L2HGDH: variants seen among roughly 807,000 people sequenced by gnomAD.
L2HGDH encodes the protein L-2-hydroxyglutarate dehydrogenase, also known as L-2-hydroxyglutarate dehydrogenase, mitochondrial.
A neutral mutation model predicts 51.5 loss-of-function variants in L2HGDH; 34 were observed. That is an observed-to-expected ratio of 0.66 (90% CI 0.50 to 0.88). L2HGDH has a LOEUF of 0.88. L2HGDH is among the 40% of genes least tolerant of loss of function. The probability of loss-of-function intolerance (pLI) is 0.00; values close to 1 mark genes in which losing one functional copy is unlikely to be tolerated. For synonymous variants in L2HGDH, 198 were observed against 197.9 expected (o/e 1.00, Z -0.01); for missense variants, 558 against 571.9 (o/e 0.98, Z 0.25).
chr14:50,264,246 C>T (rs1444836768), intron 9 of L2HGDH, among the ~76,000 whole-genome samples: 7 of 151,864 alleles, frequency 4.6e-5, no homozygotes, highest in Non-Finnish European at 8.8e-5. Flanking sequence ...GGCGTGGTGG[C>T]ACATGCCTGT....
At chr14:50,307,765 T>C (rs2030815811) in intron 1 of L2HGDH, among the ~76,000 whole-genome samples, 1 of 152,186 alleles carries the variant, frequency 6.6e-6, no homozygotes, top group Non-Finnish European at 1.5e-5. Flanking sequence ...TCTGTAAATA[T>C]TTCAATGTTA....
intron 4 of L2HGDH, among the ~76,000 whole-genome samples, chr14:50,289,273 C>T (rs12881896): frequency 0.58 from 87,935 of 151,848 alleles, 25,489 homozygotes; most frequent in East Asian, 0.66. Context: ...CTAAAAAAGA[C>T]TGATATGCCT....
At chr14:50,275,410 G>A (rs1429366145) in intron 6 of L2HGDH, among the ~76,000 whole-genome samples, 1 of 152,156 alleles carries the variant, frequency 6.6e-6, no homozygotes, top group Non-Finnish European at 1.5e-5. Flanking sequence ...ACTGGCATAG[G>A]CACTTGCTCT....
At chr14:50,284,594 T>C (rs1391118858) in intron 4 of L2HGDH, among the ~76,000 whole-genome samples, 1 of 152,228 alleles carries the variant, frequency 6.6e-6, no homozygotes. Flanking sequence ...TTAGAATAAA[T>C]GTTGAACGTG....
At chr14:50,293,967 ATGCCCTCTTG>A (rs1173050006) in intron 4 of L2HGDH, 138 bp downstream of exon 4, 1 of 918,220 alleles carries the variant, frequency 1.1e-6, no homozygotes, top group African/African-American at 1.7e-5. Flanking sequence ...GTTTGTGACA[ATGCCCTCTTG>A]TGTCTGTCAC....
In L2HGDH at chr14:50,244,647, C is replaced by G. The variant is rs543527882; in HGVS notation, c.*2411G>C. The G allele has an allele frequency of 1.0e-6, 1 of 985,438 alleles. No individual in the cohort carries two copies. The highest frequency in any genetic ancestry group is 4.7e-5 in the South Asian group (1 of 21,288). The allele number at this position is 985,438 out of a possible 1,614,324, so 61.0% of individuals were successfully genotyped here. A position where few individuals can be genotyped will look rare whatever the true frequency, so the allele number is the denominator to read the frequency against. ...CCTAAGAGTTGAATAATGGCCTACTCTGTTTACCTGGGATGTGCTACTTCT... is the reference window on the plus strand; with the variant it reads ...CCTAAGAGTTGAATAATGGCCTACTGTGTTTACCTGGGATGTGCTACTTCT... On this transcript the variant is annotated 3_prime_UTR_variant, in exon 10 of 10. Coordinates refer to ENST00000267436, the MANE Select transcript of L2HGDH (RefSeq NM_024884.3).
chr14:50,246,384 ATT>A lies in L2HGDH; in HGVS notation c.*672_*673del, dbSNP rs1449429433. On this transcript the variant is annotated 3_prime_UTR_variant, in exon 10 of 10. Coordinates refer to ENST00000267436, the MANE Select transcript of L2HGDH (RefSeq NM_024884.3). ...AGGCACACACCATCATGCCCAGCTAATTTTTGTATTTTTTGTAGAGATGGGGT... is the reference window on the plus strand; with the variant it reads ...AGGCACACACCATCATGCCCAGCTAATTTGTATTTTTTGTAGAGATGGGGT... The A allele has an allele frequency of 7.0e-6, 1 of 143,386 alleles. No individual in the cohort carries two copies. Among genetic ancestry groups the A allele is most frequent in the South Asian group, 2.2e-4 (1 of 4,570 alleles). 8.9% of individuals were successfully genotyped at this position (143,386 alleles called of 1,614,324 possible).
At chr14:50,290,159 C>T (rs1296710653) in intron 4 of L2HGDH, among the ~76,000 whole-genome samples, 1 of 151,934 alleles carries the variant, frequency 6.6e-6, no homozygotes, top group Non-Finnish European at 1.5e-5. Flanking sequence ...CCCAGTTACT[C>T]TGGAGGCTGA....
intron 6 of L2HGDH, among the ~76,000 whole-genome samples, chr14:50,272,641 C>T (rs1027357488): frequency 6.6e-6 from 1 of 152,140 alleles, no homozygotes; most frequent in Admixed American, 6.5e-5. Context: ...ATGAGCTACC[C>T]ATTATTAACT....
intron 4 of L2HGDH, chr14:50,287,267 T>A (rs557385901): frequency 2.0e-6 from 2 of 984,788 alleles, no homozygotes; most frequent in South Asian, 9.4e-5. Flanking sequence ...TTTGTTTTTT[T>A]CAGTAATGCA....
At chr14:50,268,381 G>GAAAAAAAAAAAA (rs769880130) in intron 7 of L2HGDH, among the ~76,000 whole-genome samples, 1 of 67,924 alleles carries the variant, frequency 1.5e-5, no homozygotes, top group Admixed American at 1.8e-4. Context: ...TCTGTCTCAG[G>GAAAAAAAAAAAA]AAAAAAAAAA....
chr14:50,303,669 C>G (rs1319069913), intron 1 of L2HGDH, among the ~76,000 whole-genome samples: 1 of 150,392 alleles, frequency 6.6e-6, no homozygotes, highest in Non-Finnish European at 1.5e-5. Flanking sequence ...CCCAACTACT[C>G]GGGAGGCTAA....
chr14:50,243,030 C>T lies in L2HGDH; in HGVS notation c.*4028G>A, dbSNP rs1887860956. The T allele has an allele frequency of 1.0e-6, 1 of 985,324 alleles. No homozygotes were observed. Among genetic ancestry groups the T allele is most frequent in the Admixed American group, 6.2e-5 (1 of 16,260 alleles). 61.0% of individuals were successfully genotyped at this position (985,324 alleles called of 1,614,324 possible). ...AGTATACCCCATTCTCACCACCATC[C>T]TTTGAAGAAAGTTCTAAGAGTTAAG... On this transcript the variant is annotated 3_prime_UTR_variant, in exon 10 of 10. Coordinates refer to ENST00000267436, the MANE Select transcript of L2HGDH (RefSeq NM_024884.3).
intron 9 of L2HGDH, among the ~76,000 whole-genome samples, chr14:50,264,961 T>A (rs904109022): frequency 2.0e-5 from 3 of 152,204 alleles, no homozygotes; most frequent in African/African-American, 7.2e-5. Context: ...TGATCAATAA[T>A]CTTATACAAA....
intron 9 of L2HGDH, among the ~76,000 whole-genome samples, chr14:50,251,292 AAGAC>A (rs1458785269): frequency 2.0e-5 from 3 of 152,160 alleles, no homozygotes; most frequent in Non-Finnish European, 4.4e-5. Context: ...TGTGAGCTGA[AAGAC>A]AGGCTATTTG....
In L2HGDH at chr14:50,243,318, T is replaced by A. The variant is rs990068719; in HGVS notation, c.*3740A>T. On this transcript the variant is annotated 3_prime_UTR_variant, in exon 10 of 10. Coordinates refer to ENST00000267436, the MANE Select transcript of L2HGDH (RefSeq NM_024884.3). Reference sequence around the variant, plus strand: ...CTCCACTTTTTACCCAAAATATAAATGACTCAACCTCATTTTGTATTATAT... The same window carrying A: ...CTCCACTTTTTACCCAAAATATAAAAGACTCAACCTCATTTTGTATTATAT... 5 of 985,088 alleles carry A rather than the reference T, an allele frequency of 5.1e-6. No homozygotes were observed. The highest frequency in any genetic ancestry group is 6.0e-6 in the Non-Finnish European group (5 of 829,636). 61.0% of individuals were successfully genotyped at this position (985,088 alleles called of 1,614,324 possible).
At chr14:50,304,176 T>C (rs1415713154) in intron 1 of L2HGDH, among the ~76,000 whole-genome samples, 1 of 152,236 alleles carries the variant, frequency 6.6e-6, no homozygotes, top group Non-Finnish European at 1.5e-5. Context: ...CAATGGTAAG[T>C]ATCTGTGCAT....
intron 3 of L2HGDH, among the ~76,000 whole-genome samples, chr14:50,296,372 CAAAA>C (rs59868876): frequency 3.2e-5 from 1 of 31,446 alleles, no homozygotes; most frequent in South Asian, 1.6e-3. Flanking sequence ...GACCCTGTCT[CAAAA>C]AAAAAAAAAA....
At chr14:50,266,696 T>A (rs907793482) in intron 8 of L2HGDH, among the ~76,000 whole-genome samples, 3 of 152,164 alleles carry the variant, frequency 2.0e-5, no homozygotes, top group African/African-American at 7.2e-5. Flanking sequence ...ATGTATATAT[T>A]TTTACAACTA....
Sources: gnomAD v4.1 joint callset for allele counts (sites outside exome capture counted in the v4.1 genomes callset) on GRCh38, gnomAD v4.1.1 for gene constraint, MANE v1.5 for transcripts, NCBI Gene and HGNC (gene_info 2026-07-23, HGNC 2026-07-21) for gene names.